The following LIMCH1 variants were observed in gnomAD, a reference collection of about 807,000 sequenced individuals.
LIMCH1 encodes the protein LIM and calponin homology domains 1.
Under a neutral mutation model 176.5 loss-of-function variants are expected in LIMCH1, and 113 were observed. The observed-to-expected ratio is 0.64, with a 90% CI of 0.55 to 0.75. The LOEUF (loss-of-function observed/expected upper bound fraction) is 0.75. Among genes scored for constraint, LIMCH1 ranks in the 30% least tolerant of loss-of-function variants. LIMCH1 has a pLI of 0.00. For synonymous variants in LIMCH1, 619 were observed against 645.9 expected, an observed-to-expected ratio of 0.96 and a Z score of 0.63; for missense variants, 1,674 against 1,814.9, an observed-to-expected ratio of 0.92 and a Z score of 1.41.
upstream of LIMCH1, among the ~76,000 whole-genome samples, chr4:41,535,320 A>AT (rs2077788439): frequency 2.0e-5 from 3 of 152,240 alleles, no homozygotes; most frequent in South Asian, 6.2e-4. Context: ...ATTTGCTCTG[A>AT]TGGCCATAAC....
intron 1 of LIMCH1, among the ~76,000 whole-genome samples, chr4:41,591,304 C>T (rs1231681805): frequency 3.3e-5 from 5 of 152,018 alleles, no homozygotes; most frequent in African/African-American, 4.8e-5. Flanking sequence ...TACAGTGGTG[C>T]GATCATAGCT....
intron 14 of LIMCH1, among the ~76,000 whole-genome samples, chr4:41,640,369 A>T (rs1446141293): frequency 6.6e-6 from 1 of 152,258 alleles, no homozygotes; most frequent in Non-Finnish European, 1.5e-5. Flanking sequence ...TGCTTAAAAT[A>T]GACCCCTGGG....
At chr4:41,539,928 A>C (rs1175854345) in intron 1 of LIMCH1, among the ~76,000 whole-genome samples, 3 of 152,336 alleles carry the variant, frequency 2.0e-5, no homozygotes, top group Admixed American at 1.3e-4. Flanking sequence ...GGTATATAGT[A>C]GACACTCAAT....
intron 1 of LIMCH1, among the ~76,000 whole-genome samples, chr4:41,420,842 T>C (rs79442414): frequency 2.0e-5 from 3 of 152,232 alleles, no homozygotes; most frequent in Admixed American, 6.5e-5. Flanking sequence ...AGATTCCTCA[T>C]TGCAAGAACG....
chr4:41,468,568 A>AT, intron 1 of LIMCH1, among the ~76,000 whole-genome samples: 1 of 151,938 alleles, frequency 6.6e-6, no homozygotes, highest in East Asian at 1.9e-4. Context: ...ATTGTGTTTG[A>AT]TTACAGAGTG....
chr4:41,629,876 C>A, intron 9 of LIMCH1, 142 bp downstream of exon 9: 1 of 976,174 alleles, frequency 1.0e-6, no homozygotes, highest in Non-Finnish European at 1.5e-6. Context: ...GGCTTGATCA[C>A]AGTTCACTGT....
At chr4:41,671,490 AACAAAG>A (rs2153011983) in intron 21 of LIMCH1, 58 bp from the exon 22 acceptor site, 1 of 1,415,696 alleles carries the variant, frequency 7.1e-7, no homozygotes, top group Non-Finnish European at 9.9e-7. Context: ...ATAGGTCAAA[AACAAAG>A]ACAATTAGAA....
chr4:41,509,587 T>C (rs956417103), intron 2 of LIMCH1, among the ~76,000 whole-genome samples: 1 of 152,194 alleles, frequency 6.6e-6, no homozygotes, highest in African/African-American at 2.4e-5. Context: ...AGTGAGGACA[T>C]TTCAACCCGC....
At chr4:41,397,487 A>G (rs2057922049) in intron 1 of LIMCH1, among the ~76,000 whole-genome samples, 1 of 152,062 alleles carries the variant, frequency 6.6e-6, no homozygotes, top group Non-Finnish European at 1.5e-5. Context: ...TTTCAGTAAT[A>G]TTTAGCCCTA....
At chr4:41,539,964 G>A (rs765551674) in intron 1 of LIMCH1, among the ~76,000 whole-genome samples, 1 of 152,172 alleles carries the variant, frequency 6.6e-6, no homozygotes, top group Non-Finnish European at 1.5e-5. Context: ...GAATGACCAG[G>A]ATACTGTTCC....
intron 2 of LIMCH1, among the ~76,000 whole-genome samples, chr4:41,497,152 C>A (rs2072319409): frequency 6.6e-6 from 1 of 152,134 alleles, no homozygotes; most frequent in Admixed American, 6.5e-5. Flanking sequence ...ACAGTGTTAT[C>A]CCAGTTGGCA....
chr4:41,405,765 C>T (rs2058895243), intron 1 of LIMCH1, among the ~76,000 whole-genome samples: 4 of 151,746 alleles, frequency 2.6e-5, no homozygotes, highest in Admixed American at 2.6e-4. Context: ...AAAATATGTG[C>T]ATGTATTATG....
intron 1 of LIMCH1, among the ~76,000 whole-genome samples, chr4:41,591,808 T>C (rs544807927): frequency 3.9e-5 from 6 of 152,306 alleles, no homozygotes; most frequent in South Asian, 2.1e-4. Flanking sequence ...TCTCTCCCTA[T>C]TGGGGTAAAA....
chr4:41,683,205 G>T (rs568681590), intron 26 of LIMCH1, among the ~76,000 whole-genome samples: 2 of 152,224 alleles, frequency 1.3e-5, no homozygotes, highest in South Asian at 4.1e-4. Context: ...AATCATGTTT[G>T]CTCTGGTGAT....
intron 1 of LIMCH1, among the ~76,000 whole-genome samples, chr4:41,464,362 CTTTTTTTCTTTT>C (rs2065806207): frequency 6.7e-6 from 1 of 148,282 alleles, no homozygotes; most frequent in South Asian, 2.2e-4. Flanking sequence ...TTTTCCTTTT[CTTTTTTTCTTTT>C]TTTTTTTTTT....
At chr4:41,402,973 T>C (rs886928821) in intron 1 of LIMCH1, among the ~76,000 whole-genome samples, 6 of 122,990 alleles carry the variant, frequency 4.9e-5, no homozygotes, top group African/African-American at 2.4e-4. Context: ...AGGTAAAGTA[T>C]AATAATAAAA....
rs748096058 is a variant in LIMCH1, at chr4:41,646,719, C to T, written c.2646C>T (p.Pro882=). The T allele has an allele frequency of 1.2e-6, 2 of 1,614,202 alleles. No homozygotes were observed. The highest frequency in any genetic ancestry group is 3.3e-5 in the Admixed American group (2 of 60,024). ...KYLRQQSLPP[P]KFTATVETTI... ...TGCGGCAACAGTCACTGCCTCCACC[C>T]AAATTCACTGCCACTGTTGAAACCA... Residue 882 remains proline (P), a synonymous_variant, in exon 17 of 32, where the codon CCC becomes CCT. Coordinates refer to ENST00000503057, the MANE Select transcript of LIMCH1 (RefSeq NM_001330672.2).
At chr4:41,430,386 TC>T (rs1283655748) in intron 1 of LIMCH1, among the ~76,000 whole-genome samples, 4 of 152,224 alleles carry the variant, frequency 2.6e-5, no homozygotes, top group African/African-American at 9.6e-5. Context: ...GCCTCAGCCT[TC>T]CGAGTAGCTG....
At chr4:41,662,725 G>T in intron 19 of LIMCH1, 96 bp from the exon 20 acceptor site, 3 of 1,298,036 alleles carry the variant, frequency 2.3e-6, no homozygotes, top group Non-Finnish European at 3.3e-6. Context: ...ACGGGATATG[G>T]ACTGAATGTA....
Sources: allele counts gnomAD v4.1 joint callset (sites outside exome capture counted in the v4.1 genomes callset), GRCh38; gene constraint gnomAD v4.1.1; transcripts MANE v1.5; gene names NCBI Gene and HGNC (gene_info 2026-07-23, HGNC 2026-07-21).